Variants in ZNF679 observed in about 807,000 individuals in gnomAD.
ZNF679 encodes the protein zinc finger protein 679.
A neutral mutation model predicts 13.4 loss-of-function variants in ZNF679; 10 were observed. The observed-to-expected ratio is 0.75, with a 90% CI of 0.46 to 1.27. The LOEUF (loss-of-function observed/expected upper bound fraction) is 1.27. ZNF679 is among the 50% of genes most tolerant of loss of function. The pLI is 0.00. For missense variants in ZNF679, 525 were observed against 477.8 expected, an observed-to-expected ratio of 1.10 and a Z score of -0.92; for synonymous variants, 179 against 162.5, an observed-to-expected ratio of 1.10 and a Z score of -0.77.
chr7:64,257,454 A>G (rs574247882), intron 2 of ZNF679, among the ~76,000 whole-genome samples: 3 of 152,148 alleles, frequency 2.0e-5, no homozygotes, highest in Non-Finnish European at 2.9e-5. Flanking sequence ...AATGATAGAG[A>G]AACATAGGAA....
chr7:64,260,724 T>C, intron 3 of ZNF679, 110 bp from the exon 4 acceptor site: 1 of 1,172,122 alleles, frequency 8.5e-7, no homozygotes, highest in South Asian at 1.9e-5. Flanking sequence ...TATGAATCAA[T>C]ATTAATTTTC....
At chr7:64,263,885 A>G (rs905299582) in intron 4 of ZNF679, among the ~76,000 whole-genome samples, 2 of 152,174 alleles carry the variant, frequency 1.3e-5, no homozygotes, top group Non-Finnish European at 2.9e-5. Flanking sequence ...GAATTCATAC[A>G]CTATATAATG....
In ZNF679 at chr7:64,260,151, C is replaced by T. The variant is rs1386278772; in HGVS notation, c.40-70C>T. Reference sequence around the variant, plus strand: ...TCTAACTTGAGTCAAATAAAAATCTCTGCCTACGGCCACATAGTAAGTGTT... The same window carrying T: ...TCTAACTTGAGTCAAATAAAAATCTTTGCCTACGGCCACATAGTAAGTGTT... On this transcript the variant is annotated intron_variant, in intron 2 of 4. Coordinates refer to ENST00000421025, the MANE Select transcript of ZNF679 (RefSeq NM_153363.3). 7 of 1,394,736 alleles carry T rather than the reference C, an allele frequency of 5.0e-6. No homozygotes were observed. The African/African-American group carries it at 1.0e-4, about 20-fold the overall frequency. The allele number at this position is 1,394,736 out of a possible 1,614,324, so 86.4% of individuals were successfully genotyped here. A position where few individuals can be genotyped will look rare whatever the true frequency, so the allele number is the denominator to read the frequency against.
chr7:64,249,492 A>G (rs918532788), intron 2 of ZNF679, among the ~76,000 whole-genome samples: 2 of 152,220 alleles, frequency 1.3e-5, no homozygotes, highest in Admixed American at 6.5e-5. Flanking sequence ...TGTGGGATTC[A>G]TAAGTGGAAA....
rs568515705 is a variant in ZNF679 at position 64,241,366 on chromosome 7, G to A, written c.-90-7662G>A. On this transcript the variant is annotated intron_variant, in intron 1 of 4. Transcript: ENST00000421025. ...CGCACAAGGGTTGCATCACCTGGGT[G>A]CTGGCCAGAGATATGTCACAATTGC... Among the ~76,000 whole-genome samples the A allele has an allele frequency of 2.9e-3, 446 of 152,322 alleles. 5 individuals carry two copies. Among genetic ancestry groups the A allele is most frequent in the African/African-American group, 0.01 (428 of 41,582 alleles).
chr7:64,254,608 G>C (rs1157981344), intron 2 of ZNF679, among the ~76,000 whole-genome samples: 1 of 152,042 alleles, frequency 6.6e-6, no homozygotes, highest in African/African-American at 2.4e-5. Context: ...TATTGAACTT[G>C]AGGGAGATTA....
intron 2 of ZNF679, among the ~76,000 whole-genome samples, chr7:64,258,924 T>C (rs199605207): frequency 2.1e-5 from 3 of 140,424 alleles, no homozygotes; most frequent in African/African-American, 7.5e-5. Context: ...GTTTTGTTTG[T>C]TTTGAGACCG....
chr7:64,241,168 C>T (rs941967634), intron 1 of ZNF679, among the ~76,000 whole-genome samples: 3 of 152,158 alleles, frequency 2.0e-5, no homozygotes, highest in Non-Finnish European at 4.4e-5. Flanking sequence ...CTTCATACAA[C>T]GTGCATGCAA....
At chr7:64,229,390 AC>A (rs1372484620) in intron 1 of ZNF679, among the ~76,000 whole-genome samples, 1 of 152,110 alleles carries the variant, frequency 6.6e-6, no homozygotes, top group Non-Finnish European at 1.5e-5. Flanking sequence ...AGTATAAGAG[AC>A]AACACTGTGC....
Position 64,260,172 on chromosome 7 carries a change from GTGTT to G in ZNF679, c.40-45_40-42del, listed in dbSNP as rs777955473. On this transcript the variant is annotated intron_variant, in intron 2 of 4. Transcript: ENST00000421025. ...ATCTCTGCCTACGGCCACATAGTAAGTGTTTGTGTGTTCATGAGTGTTTTTTTGT... is the reference window on the plus strand; with the variant it reads ...ATCTCTGCCTACGGCCACATAGTAAGTGTGTGTTCATGAGTGTTTTTTTGT... The G allele has an allele frequency of 3.3e-6, 5 of 1,527,906 alleles. No homozygotes were observed. The South Asian group carries it at 4.9e-5, about 15-fold the overall frequency. 94.6% of individuals were successfully genotyped at this position (1,527,906 alleles called of 1,614,324 possible).
intron 1 of ZNF679, among the ~76,000 whole-genome samples, chr7:64,239,654 C>T (rs1465619859): frequency 6.6e-6 from 1 of 152,092 alleles, no homozygotes; most frequent in Non-Finnish European, 1.5e-5. Flanking sequence ...CTGGACCCTG[C>T]CCACAGGTAA....
rs1189741262 is a variant in ZNF679, at chr7:64,248,953, A to C, written c.-90-75A>C. 8 of 1,009,154 alleles carry C rather than the reference A, an allele frequency of 7.9e-6. No individual in the cohort carries two copies. The African/African-American group carries it at 1.1e-4, about 14-fold the overall frequency. The allele number at this position is 1,009,154 out of a possible 1,614,324, so 62.5% of individuals were successfully genotyped here. On this transcript the variant is annotated intron_variant, in intron 1 of 4. Coordinates refer to ENST00000421025, the MANE Select transcript of ZNF679 (RefSeq NM_153363.3). ...TCAGGGGCCATATATTAGAAACTGT[A>C]CAATCAGGCATGCAGCTGGAGAGAA...
At chr7:64,237,234 C>T (rs1266007600) in intron 1 of ZNF679, among the ~76,000 whole-genome samples, 1 of 152,190 alleles carries the variant, frequency 6.6e-6, no homozygotes, top group Non-Finnish European at 1.5e-5. Flanking sequence ...CCTCTGGGCA[C>T]TTACGTAGCC....
At position 64,265,966 on chromosome 7, in the gene ZNF679, A is replaced by G. The variant is rs1284415426; in HGVS notation, c.333A>G (p.Ile111Met). ...TAAAAGATTCACTCCAAAAAGTAAT[A>G]CCAAGAAGATATGGAAAAAGTGGAC... ...LGIKDSLQKV[I>M]PRRYGKSGHD... Residue 111 changes from isoleucine to methionine, a missense_variant, in exon 5 of 5, where the codon ATA becomes ATG. Ile to Met is a conservative substitution (Grantham distance 10, BLOSUM62 1). Coordinates refer to ENST00000421025, the MANE Select transcript of ZNF679 (RefSeq NM_153363.3). 6.2e-7 allele frequency: 1 copy of G among 1,613,894 alleles called. No individual in the cohort carries two copies. Among genetic ancestry groups the G allele is most frequent in the Non-Finnish European group, 8.5e-7 (1 of 1,179,888 alleles).
At chr7:64,256,000 G>A (rs1246076702) in intron 2 of ZNF679, among the ~76,000 whole-genome samples, 1 of 152,068 alleles carries the variant, frequency 6.6e-6, no homozygotes, top group Non-Finnish European at 1.5e-5. Flanking sequence ...GTTTTTGTGT[G>A]CAGATTATTT....
Position 64,260,206 on chromosome 7 carries a change from G to T in ZNF679, c.40-15G>T, listed in dbSNP as rs1562847169. On this transcript the variant is annotated splice_polypyrimidine_tract_variant and intron_variant, in intron 2 of 4. Transcript: ENST00000421025. ...TGTTCATGAGTGTTTTTTTGTTGTT[G>T]TTATTGTTTTTCAGGGACTGTTGAC... The T allele has an allele frequency of 3.2e-6, 5 of 1,586,450 alleles. No homozygotes were observed. The Admixed American group carries it at 5.8e-5, about 18-fold the overall frequency.
rs774275736 is a variant in ZNF679 at position 64,249,166 on chromosome 7, G to A, written c.39+10G>A. On this transcript the variant is annotated intron_variant, in intron 2 of 4. Coordinates refer to ENST00000421025, the MANE Select transcript of ZNF679 (RefSeq NM_153363.3). ...TGGAAGCCGAGAAATGGTGAGTGCT[G>A]GGTCTGTCACCGTGAGAGAGGGGTG... 1 of 1,614,094 alleles carries A rather than the reference G, an allele frequency of 6.2e-7. No individual in the cohort carries two copies. The highest frequency in any genetic ancestry group is 2.2e-5 in the East Asian group (1 of 44,862).
In ZNF679 at chr7:64,229,302, A is replaced by G. The variant is rs114080925; in HGVS notation, c.-91+650A>G. 6.6e-3 allele frequency among the ~76,000 whole-genome samples: 1,005 copies of G among 152,228 alleles called. 14 individuals are homozygous for G. Among genetic ancestry groups the G allele is most frequent in the African/African-American group, 0.023 (951 of 41,534 alleles). On this transcript the variant is annotated intron_variant, in intron 1 of 4. Coordinates refer to ENST00000421025, the MANE Select transcript of ZNF679 (RefSeq NM_153363.3). ...GTTGTGATTTTTTTGTGACCTTTGT[A>G]CAGTTAGAAAACCCAGAACCATCCC... is the stretch of plus-strand genomic sequence containing the variant.
At chr7:64,236,691 A>G (rs1787716691) in intron 1 of ZNF679, among the ~76,000 whole-genome samples, 1 of 151,768 alleles carries the variant, frequency 6.6e-6, no homozygotes, top group Non-Finnish European at 1.5e-5. Context: ...CTGAAGCAGA[A>G]GCATCACTGA....
Sources: gnomAD v4.1 joint callset for allele counts (sites outside exome capture counted in the v4.1 genomes callset) on GRCh38, gnomAD v4.1.1 for gene constraint, MANE v1.5 for transcripts, NCBI Gene and HGNC (gene_info 2026-07-23, HGNC 2026-07-21) for gene names.